IFI16: variants seen among roughly 807,000 people sequenced by gnomAD.
The protein encoded by IFI16 is interferon gamma inducible protein 16.
IFI16 carries 49 observed loss-of-function variants against 68.4 expected under a neutral mutation model. The observed-to-expected ratio is 0.72, with a 90% CI of 0.57 to 0.91. IFI16 has a LOEUF of 0.91. Ranked by LOEUF, IFI16 falls within the 40% of genes least tolerant of loss-of-function variation. The pLI, the probability that IFI16 is intolerant of heterozygous loss-of-function variation, is 0.00. For synonymous variants in IFI16, 307 were observed against 315.0 expected (o/e 0.97, Z 0.27); for missense variants, 878 against 942.9 (o/e 0.93, Z 0.90).
At chr1:159,021,939 C>CTTTT (rs56149308) in intron 6 of IFI16, among the ~76,000 whole-genome samples, 1 of 61,700 alleles carries the variant, frequency 1.6e-5, no homozygotes, top group African/African-American at 6.3e-5. Flanking sequence ...GCCCTTAGCC[C>CTTTT]TTTTTTTTTT....
chr1:159,033,913 G>C (rs967184528), intron 7 of IFI16, among the ~76,000 whole-genome samples: 7 of 152,074 alleles, frequency 4.6e-5, no homozygotes, highest in African/African-American at 1.7e-4. Flanking sequence ...CTGAATGACA[G>C]AAGTGGTAGA....
upstream of IFI16, among the ~76,000 whole-genome samples, chr1:159,008,661 C>T (rs1264417380): frequency 6.6e-6 from 1 of 152,138 alleles, no homozygotes; most frequent in African/African-American, 2.4e-5. Flanking sequence ...TGCCTTAAGG[C>T]CAACTCAATG....
upstream of IFI16, among the ~76,000 whole-genome samples, chr1:159,001,679 ATCT>A (rs936424791): frequency 7.9e-5 from 12 of 152,298 alleles, no homozygotes; most frequent in African/African-American, 2.9e-4. Context: ...TTCCCTACTT[ATCT>A]ATAAGAATGC....
intron 7 of IFI16, among the ~76,000 whole-genome samples, chr1:159,037,295 C>T (rs913476000): frequency 6.6e-6 from 1 of 152,134 alleles, no homozygotes; most frequent in African/African-American, 2.4e-5. Flanking sequence ...TCTCCATGGC[C>T]GCCGATGCTT....
At chr1:159,024,756 T>C (rs1291602570) in intron 6 of IFI16, among the ~76,000 whole-genome samples, 1 of 152,044 alleles carries the variant, frequency 6.6e-6, no homozygotes, top group East Asian at 1.9e-4. Context: ...CTAAGGTGAG[T>C]TAGACTTAGT....
intron 7 of IFI16, among the ~76,000 whole-genome samples, chr1:159,037,648 C>T (rs940792971): frequency 6.6e-6 from 1 of 152,130 alleles, no homozygotes; most frequent in African/African-American, 2.4e-5. Flanking sequence ...AAATTCTGAT[C>T]ATCTAAATTC....
At chr1:159,053,262 G>A (rs1655469935) in intron 10 of IFI16, 1 of 274,768 alleles carries the variant, frequency 3.6e-6, no homozygotes, top group African/African-American at 2.2e-5. Flanking sequence ...CTGTGCTGAT[G>A]TGGAAACAGG....
intron 7 of IFI16, among the ~76,000 whole-genome samples, chr1:159,043,151 C>T (rs1571883163): frequency 2.6e-5 from 4 of 152,236 alleles, no homozygotes; most frequent in African/African-American, 9.6e-5. Flanking sequence ...TCATATTTCC[C>T]CCTATATAGT....
At position 159,018,513 on chromosome 1, in the gene IFI16, T is replaced by C; in HGVS notation, c.834T>C (p.Thr278=). 1 of 1,614,078 alleles carries C rather than the reference T, an allele frequency of 6.2e-7. No homozygotes were observed. The highest frequency in any genetic ancestry group is 8.5e-7 in the Non-Finnish European group (1 of 1,179,904). Residue 278 remains threonine, a synonymous_variant, in exon 5 of 12, where the codon ACT becomes ACC. Coordinates refer to ENST00000295809, the MANE Select transcript of IFI16 (RefSeq NM_001376587.1). ...DSLLEVNEES[T]VSEAGPNQTF... ...TCCTAGAGGTCAATGAAGAATCTACTGTATCTGAAGCTGGTCCTAACCAAA... is the reference window on the plus strand; with the variant it reads ...TCCTAGAGGTCAATGAAGAATCTACCGTATCTGAAGCTGGTCCTAACCAAA...
chr1:159,044,195 A>G (rs1190602972), intron 7 of IFI16, among the ~76,000 whole-genome samples: 3 of 152,292 alleles, frequency 2.0e-5, no homozygotes, highest in South Asian at 4.1e-4. Flanking sequence ...CACATGTGGG[A>G]AAACTGAGGT....
chr1:159,023,175 T>C (rs1199260379), intron 6 of IFI16, among the ~76,000 whole-genome samples: 1 of 152,182 alleles, frequency 6.6e-6, no homozygotes, highest in East Asian at 1.9e-4. Flanking sequence ...TTATTTATTT[T>C]AGAATTGTTG....
chr1:159,018,216 C>T lies in IFI16; in HGVS notation c.550-13C>T. 6.2e-7 allele frequency: 1 copy of T among 1,606,318 alleles called. No homozygotes were observed. Among genetic ancestry groups the T allele is most frequent in the Non-Finnish European group, 8.5e-7 (1 of 1,175,054 alleles). On this transcript the variant is annotated splice_polypyrimidine_tract_variant and intron_variant, in intron 4 of 11. Coordinates refer to ENST00000295809, the MANE Select transcript of IFI16 (RefSeq NM_001376587.1). Reference sequence around the variant, plus strand: ...AGACATTTTTCTTTGTTCTCCTGTGCTATCATACACAGAACCCGAAAACAG... The same window carrying T: ...AGACATTTTTCTTTGTTCTCCTGTGTTATCATACACAGAACCCGAAAACAG...
At chr1:159,038,091 G>A (rs1023049988) in intron 7 of IFI16, among the ~76,000 whole-genome samples, 9 of 152,080 alleles carry the variant, frequency 5.9e-5, no homozygotes, top group African/African-American at 1.9e-4. Flanking sequence ...GTTAGAGTAA[G>A]GATTCATATC....
intron 8 of IFI16, among the ~76,000 whole-genome samples, chr1:159,046,794 G>C (rs1655015784): frequency 6.6e-6 from 1 of 151,228 alleles, no homozygotes; most frequent in African/African-American, 2.4e-5. Context: ...TCCCAGAATA[G>C]ATCATATTTT....
At chr1:159,048,840 G>A (rs1655161339) in intron 8 of IFI16, among the ~76,000 whole-genome samples, 1 of 151,482 alleles carries the variant, frequency 6.6e-6, no homozygotes, top group Non-Finnish European at 1.5e-5. Context: ...GAATGCTTTA[G>A]GTGGAATATT....
At chr1:159,035,819 G>A (rs908689143) in intron 7 of IFI16, among the ~76,000 whole-genome samples, 1 of 151,870 alleles carries the variant, frequency 6.6e-6, no homozygotes, top group African/African-American at 2.4e-5. Context: ...TCAGGAGCAG[G>A]GATGGGAGGG....
chr1:159,018,651 G>T lies in IFI16; in HGVS notation c.972G>T (p.Lys324Asn). The change falls in exon 5 of 12, where the codon AAG becomes AAT. Residue 324 changes from lysine to asparagine, a missense_variant and splice_region_variant. Lys to Asn is a moderately conservative substitution (Grantham distance 94). Around this residue, in one of 4 missense-constraint regions of IFI16, gnomAD observed 443 missense variants for 421.8 expected, o/e 1.05. Transcript: ENST00000295809. ...NIVYGVFMLH[K>N]KTVNQKTTIY... is the part of the protein sequence containing the mutation. Reference sequence around the variant, plus strand: ...TATATGGGGTATTTATGCTACATAAGGTAAGTCCTCAAAATTGTTTCGTTT... The same window carrying T: ...TATATGGGGTATTTATGCTACATAATGTAAGTCCTCAAAATTGTTTCGTTT... The T allele has an allele frequency of 1.9e-6, 3 of 1,582,866 alleles. No homozygotes were observed. The highest frequency in any genetic ancestry group is 2.2e-5 in the East Asian group (1 of 44,644).
chr1:159,048,144 A>G (rs1571892268), intron 8 of IFI16, among the ~76,000 whole-genome samples: 1 of 151,172 alleles, frequency 6.6e-6, no homozygotes, highest in South Asian at 2.1e-4. Context: ...TTCCATCAGC[A>G]AGGGCATCAT....
At chr1:159,043,867 G>T (rs879034994) in intron 7 of IFI16, among the ~76,000 whole-genome samples, 3 of 152,282 alleles carry the variant, frequency 2.0e-5, no homozygotes, top group African/African-American at 4.8e-5. Context: ...ATTTTTAAAA[G>T]ATTATATCTC....
Sources: gnomAD v4.1 joint callset for allele counts (sites outside exome capture counted in the v4.1 genomes callset) on GRCh38, gnomAD v4.1.1 for gene constraint, gnomAD v4.1.1 regional missense constraint, MANE v1.5 for transcripts, NCBI Gene and HGNC (gene_info 2026-07-23, HGNC 2026-07-21) for gene names.